Variants in PARVG observed in about 807,000 individuals in gnomAD.
PARVG encodes parvin gamma, also known as gamma-parvin.
PARVG carries 36 observed loss-of-function variants against 44.4 expected under a neutral mutation model. That is an observed-to-expected ratio of 0.81 (90% CI 0.62 to 1.07). PARVG has a LOEUF of 1.07. PARVG is among the 50% of genes least tolerant of loss of function. The probability of loss-of-function intolerance (pLI) is 0.00; values close to 1 mark genes in which losing one functional copy is unlikely to be tolerated. For synonymous variants in PARVG, 170 were observed against 174.1 expected (o/e 0.98, Z 0.19); for missense variants, 407 against 407.4 (o/e 1.00, Z 0.01).
At chr22:44,199,765 G>T (rs2054680312) in intron 12 of PARVG, among the ~76,000 whole-genome samples, 1 of 152,212 alleles carries the variant, frequency 6.6e-6, no homozygotes, top group Admixed American at 6.5e-5. Context: ...CTTGCAGAGG[G>T]GAGGGAATAG....
At chr22:44,195,622 G>A (rs1393113054) in intron 9 of PARVG, among the ~76,000 whole-genome samples, 1 of 152,212 alleles carries the variant, frequency 6.6e-6, no homozygotes, top group Non-Finnish European at 1.5e-5. Flanking sequence ...CAGGCAGCAG[G>A]TTCAGACACT....
At chr22:44,173,274 A>G in intron 1 of PARVG, 4 of 1,112,720 alleles carry the variant, frequency 3.6e-6, no homozygotes, top group Non-Finnish European at 4.6e-6. Flanking sequence ...CACAGGCTGC[A>G]TGACACATGG....
At chr22:44,189,733 A>G (rs1276772928) in intron 6 of PARVG, among the ~76,000 whole-genome samples, 1 of 152,172 alleles carries the variant, frequency 6.6e-6, no homozygotes, top group Non-Finnish European at 1.5e-5. Context: ...CCTGGTCAAC[A>G]TGGTGAAACC....
At position 44,196,938 on chromosome 22, in the gene PARVG, G is replaced by T. The variant is rs1019547203; in HGVS notation, c.711+523G>T. ...CTCAGGGGGTCAGCACCCACCATGG[G>T]CTGTGGCTTTCCACAGTGAAGCTGT... On this transcript the variant is annotated intron_variant, in intron 11 of 13. Coordinates refer to ENST00000444313, the MANE Select transcript of PARVG (RefSeq NM_022141.7). Among the ~76,000 whole-genome samples, 16 of 152,336 alleles carry T rather than the reference G, an allele frequency of 1.1e-4. 3 individuals are homozygous for T. The highest frequency in any genetic ancestry group is 3.9e-4 in the Admixed American group (6 of 15,314).
chr22:44,179,515 T>C (rs1361786951), upstream of PARVG, among the ~76,000 whole-genome samples: 1 of 152,238 alleles, frequency 6.6e-6, no homozygotes, highest in Non-Finnish European at 1.5e-5. The surrounding 1 kb of genome is among the most constrained non-coding windows in gnomAD (Gnocchi z 4.2). Flanking sequence ...TTAGATAACC[T>C]GTGCTCGTAT....
At chr22:44,181,312 G>C (rs2147215918) in intron 1 of PARVG, 127 bp downstream of exon 1, 2 of 984,680 alleles carry the variant, frequency 2.0e-6, no homozygotes, top group South Asian at 9.4e-5. Context: ...GAGGGCTTGT[G>C]GGAGCCTCAG....
In PARVG at chr22:44,183,311, T is replaced by A. The variant is rs754246534; in HGVS notation, c.-12-7T>A. 3 of 1,601,830 alleles carry A rather than the reference T, an allele frequency of 1.9e-6. No homozygotes were observed. Among genetic ancestry groups the A allele is most frequent in the East Asian group, 4.5e-5 (2 of 44,470 alleles). On this transcript the variant is annotated splice_polypyrimidine_tract_variant and splice_region_variant and intron_variant, in intron 2 of 13. Coordinates refer to ENST00000444313, the MANE Select transcript of PARVG (RefSeq NM_022141.7). Reference sequence around the variant, plus strand: ...CCGTGACGCCCTCTCCTGCCTCCTCTGTGCAGGCTTGGGAGGCGATGGAGC... The same window carrying A: ...CCGTGACGCCCTCTCCTGCCTCCTCAGTGCAGGCTTGGGAGGCGATGGAGC...
intron 12 of PARVG, among the ~76,000 whole-genome samples, chr22:44,200,195 C>G (rs958912794): frequency 2.0e-5 from 3 of 152,184 alleles, no homozygotes; most frequent in African/African-American, 7.2e-5. Context: ...CCAGGAGCAC[C>G]CTTCCTACCA....
chr22:44,176,806 C>T (rs192715310), upstream of PARVG, among the ~76,000 whole-genome samples: 415 of 152,248 alleles, frequency 2.7e-3, 3 homozygotes, highest in African/African-American at 9.6e-3. Context: ...GTTTAGTGGA[C>T]TCACCGTTCC....
intron 12 of PARVG, among the ~76,000 whole-genome samples, chr22:44,201,506 C>T (rs879913882): frequency 5.9e-5 from 9 of 152,156 alleles, no homozygotes; most frequent in Non-Finnish European, 1.2e-4. Flanking sequence ...GGACTTGGTT[C>T]CCAAGAGCTG....
chr22:44,205,971 C>A, intron 13 of PARVG, 142 bp downstream of exon 13: 1 of 1,042,804 alleles, frequency 9.6e-7, no homozygotes, highest in South Asian at 1.5e-5. Flanking sequence ...AGAATGGGCG[C>A]TTGCCAAGGT....
At chr22:44,173,023 G>A (rs1490228480) in exon 1 of PARVG, 2 of 1,289,794 alleles carry the variant, frequency 1.6e-6, no homozygotes, top group Non-Finnish European at 2.0e-6. Context: ...CGAAGGAACA[G>A]GTGCCAGGGC....
At chr22:44,196,081 GAA>G in intron 9 of PARVG, 72 bp from the exon 10 acceptor site, 1 of 1,464,084 alleles carries the variant, frequency 6.8e-7, no homozygotes, top group Non-Finnish European at 9.4e-7. Context: ...AAACTTTTGT[GAA>G]AAAAAAAATT....
intron 8 of PARVG, among the ~76,000 whole-genome samples, chr22:44,193,480 G>A (rs2054576931): frequency 1.3e-5 from 2 of 152,222 alleles, no homozygotes; most frequent in African/African-American, 2.4e-5. Context: ...AAACGCACAA[G>A]CTGTGAGCTT....
rs747676989 is a variant in PARVG, at chr22:44,193,788, A to G, written c.561-13A>G. On this transcript the variant is annotated splice_polypyrimidine_tract_variant and intron_variant, in intron 8 of 13. Coordinates refer to ENST00000444313, the MANE Select transcript of PARVG (RefSeq NM_022141.7). ...TTTTAACCATTTGTTTGCTTTTTCC[A>G]CCCACTGCACAGCACAGACAAGGAC... 1 of 1,610,774 alleles carries G rather than the reference A, an allele frequency of 6.2e-7. No individual in the cohort carries two copies. The highest frequency in any genetic ancestry group is 1.7e-5 in the Admixed American group (1 of 59,614).
chr22:44,191,266 C>T lies in PARVG; in HGVS notation c.504+600C>T, dbSNP rs546207281. Among the ~76,000 whole-genome samples the T allele has an allele frequency of 7.2e-5, 11 of 152,170 alleles. No individual in the cohort carries two copies. The South Asian group carries it at 8.3e-4, about 11-fold the overall frequency. On this transcript the variant is annotated intron_variant, in intron 7 of 13. Coordinates refer to ENST00000444313, the MANE Select transcript of PARVG (RefSeq NM_022141.7). Reference sequence around the variant, plus strand: ...CCACCAGCTCTTTGCTTCTCATGACCGCCCCCACCCCACCCCAGCCTCGGG... The same window carrying T: ...CCACCAGCTCTTTGCTTCTCATGACTGCCCCCACCCCACCCCAGCCTCGGG...
At chr22:44,173,308 AT>A in intron 1 of PARVG, 1 of 920,356 alleles carries the variant, frequency 1.1e-6, no homozygotes, top group South Asian at 1.7e-5. Context: ...ACTTTTCATG[AT>A]GTGACGTCAC....
At chr22:44,198,483 G>A in intron 11 of PARVG, 138 bp from the exon 12 acceptor site, 4 of 702,116 alleles carry the variant, frequency 5.7e-6, no homozygotes, top group South Asian at 5.2e-5. Flanking sequence ...GGTCAGGCAT[G>A]TCTTCCCCAC....
At chr22:44,177,598 T>C (rs2054330570), upstream of PARVG, among the ~76,000 whole-genome samples, 2 of 152,242 alleles carry the variant, frequency 1.3e-5, no homozygotes, top group Non-Finnish European at 2.9e-5. Flanking sequence ...GCAGCTTGGA[T>C]TGATCTAGTA....
Sources: gnomAD v4.1 joint callset for allele counts (sites outside exome capture counted in the v4.1 genomes callset) on GRCh38, gnomAD v4.1.1 for gene constraint, Gnocchi (gnomAD v3.1) non-coding constraint, MANE v1.5 for transcripts, NCBI Gene and HGNC (gene_info 2026-07-23, HGNC 2026-07-21) for gene names.